The following ACACA variants were observed in gnomAD, a reference collection of about 807,000 sequenced individuals.
ACACA encodes acetyl-CoA carboxylase alpha, also known as acetyl-CoA carboxylase 1.
Under a neutral mutation model 296.1 loss-of-function variants are expected in ACACA, and 103 were observed. The ratio of observed to expected loss-of-function variants is 0.35; its 90% CI spans 0.30 to 0.41. ACACA has a LOEUF of 0.41. ACACA is among the 10% of genes least tolerant of loss of function. The probability of loss-of-function intolerance (pLI) is 1.00; values close to 1 mark genes in which losing one functional copy is unlikely to be tolerated. For missense variants in ACACA, 1,554 were observed against 2,989.7 expected, an observed-to-expected ratio of 0.52 and a Z score of 11.20; for synonymous variants, 953 against 1,038.6, an observed-to-expected ratio of 0.92 and a Z score of 1.58.
intron 1 of ACACA, among the ~76,000 whole-genome samples, chr17:37,376,529 G>A (rs117548328): frequency 3.9e-4 from 60 of 152,238 alleles, no homozygotes; most frequent in Admixed American, 7.2e-4. Context: ...ATAGCTAGAC[G>A]GTGATATTCT....
At chr17:37,367,270 T>C (rs1278149922) in intron 1 of ACACA, among the ~76,000 whole-genome samples, 1 of 149,066 alleles carries the variant, frequency 6.7e-6, no homozygotes, top group Non-Finnish European at 1.5e-5. Flanking sequence ...AAAAAATCCA[T>C]GAAAAGGAAA....
At chr17:37,141,451 G>A (rs2075575246) in intron 45 of ACACA, 2 of 291,788 alleles carry the variant, frequency 6.9e-6, no homozygotes, top group Non-Finnish European at 6.7e-6. Context: ...TTTGTAGAGG[G>A]GGTCTTGCTT....
chr17:37,209,192 A>G (rs890299069), intron 30 of ACACA, among the ~76,000 whole-genome samples: 8 of 152,210 alleles, frequency 5.3e-5, no homozygotes, highest in African/African-American at 1.9e-4. Context: ...ACACACATCA[A>G]GCAAGTCTTA....
chr17:37,284,736 G>C, intron 4 of ACACA, 102 bp downstream of exon 4: 1 of 1,520,722 alleles, frequency 6.6e-7, no homozygotes, highest in Non-Finnish European at 9.1e-7. Context: ...CAAAGCCTCT[G>C]AGAAACTAAA....
At chr17:37,380,587 A>T (rs829153) in intron 1 of ACACA, among the ~76,000 whole-genome samples, 2,765 of 151,952 alleles carry the variant, frequency 0.018, 79 homozygotes, top group African/African-American at 0.063. Context: ...ACAGTTTTTT[A>T]AAATTTCTTT....
At chr17:37,242,767 G>A (rs531914215) in intron 22 of ACACA, among the ~76,000 whole-genome samples, 3 of 151,896 alleles carry the variant, frequency 2.0e-5, no homozygotes, top group Non-Finnish European at 4.4e-5. Flanking sequence ...AGCTGGGCAC[G>A]GTGGCTCACG....
At chr17:37,269,763 GAA>G (rs71159698) in intron 10 of ACACA, among the ~76,000 whole-genome samples, 16 of 129,264 alleles carry the variant, frequency 1.2e-4, no homozygotes, top group African/African-American at 4.1e-4. Flanking sequence ...TGTTTTAAGG[GAA>G]AAAAAAAAAA....
At chr17:37,294,728 A>C (rs530609701) in intron 3 of ACACA, among the ~76,000 whole-genome samples, 1 of 152,336 alleles carries the variant, frequency 6.6e-6, no homozygotes, top group Non-Finnish European at 1.5e-5. Context: ...AATTCTAAGG[A>C]GGGCTTAATA....
chr17:37,378,806 A>G (rs1271633516), intron 1 of ACACA, among the ~76,000 whole-genome samples: 2 of 152,172 alleles, frequency 1.3e-5, no homozygotes, highest in African/African-American at 4.8e-5. Context: ...TCATGTCTGT[A>G]ATCCCAGCAC....
chr17:37,161,756 A>G (rs761134947), intron 42 of ACACA, 25 bp downstream of exon 42: 1 of 1,605,366 alleles, frequency 6.2e-7, no homozygotes, highest in Non-Finnish European at 8.5e-7. Flanking sequence ...AGCACCTTGA[A>G]GTAGTATATG....
At chr17:37,317,843 GA>G (rs2047166930) in intron 3 of ACACA, among the ~76,000 whole-genome samples, 1 of 152,160 alleles carries the variant, frequency 6.6e-6, no homozygotes, top group Non-Finnish European at 1.5e-5. Flanking sequence ...TATGGCCACA[GA>G]CAGCTCCTGT....
chr17:37,209,570 C>G (rs1376848134), intron 30 of ACACA, among the ~76,000 whole-genome samples: 1 of 152,194 alleles, frequency 6.6e-6, no homozygotes, highest in East Asian at 1.9e-4. Context: ...GGGAAGACTA[C>G]AAGACCAATT....
At chr17:37,124,545 T>C (rs1450354594) in intron 48 of ACACA, among the ~76,000 whole-genome samples, 2 of 152,330 alleles carry the variant, frequency 1.3e-5, no homozygotes, top group Admixed American at 1.3e-4. Context: ...AACAAGCTGA[T>C]ACAGGAGTCG....
rs573304944 is a variant in ACACA at position 37,122,799 on chromosome 17, T to C, written c.6042-172A>G. On this transcript the variant is annotated intron_variant, in intron 48 of 55. Transcript: ENST00000616317. ...TGTGAGACTCTACGGATTTGATATT[T>C]ACTCTCTAAATATGGTGGGAAACCA... 2.6e-5 allele frequency: 18 copies of C among 697,284 alleles called. No homozygotes were observed. In the Admixed American group the frequency reaches 3.7e-4, roughly 14 times the overall value. The allele number at this position is 697,284 out of a possible 1,614,324, so 43.2% of individuals were successfully genotyped here.
chr17:37,086,816 G>A lies in ACACA; in HGVS notation c.*500C>T. The A allele has an allele frequency of 4.7e-6, 1 of 212,218 alleles. No individual in the cohort carries two copies. Among genetic ancestry groups the A allele is most frequent in the Non-Finnish European group, 9.6e-6 (1 of 103,662 alleles). The allele number at this position is 212,218 out of a possible 1,614,324, so 13.1% of individuals were successfully genotyped here. On this transcript the variant is annotated 3_prime_UTR_variant, in exon 56 of 56. Transcript: ENST00000616317. ...CATTCCTCTCCAGTGCCTACTGTGT[G>A]CTGGGCTAAGAGTCGGGGTAATAAA...
intron 1 of ACACA, among the ~76,000 whole-genome samples, chr17:37,341,843 A>G (rs2048383645): frequency 1.3e-5 from 2 of 152,152 alleles, no homozygotes; most frequent in African/African-American, 4.8e-5. Flanking sequence ...GATGAAAGCT[A>G]TGGACCTTTT....
intron 1 of ACACA, 83 bp downstream of exon 1, chr17:37,406,179 T>C: frequency 6.7e-7 from 1 of 1,485,338 alleles, no homozygotes; most frequent in Non-Finnish European, 9.4e-7. Flanking sequence ...CTTTGTGCAA[T>C]GTCTGGCATG....
chr17:37,315,661 G>A (rs1162931457), intron 3 of ACACA, among the ~76,000 whole-genome samples: 1 of 152,142 alleles, frequency 6.6e-6, no homozygotes, highest in Non-Finnish European at 1.5e-5. Context: ...TACTATTACT[G>A]CTTTATAAAG....
chr17:37,275,524 GA>G (rs1413174888), intron 8 of ACACA, among the ~76,000 whole-genome samples: 1 of 141,198 alleles, frequency 7.1e-6, no homozygotes, highest in Non-Finnish European at 1.5e-5. Context: ...GAAAAAAAAA[GA>G]AAAAAAACAT....
Sources: allele counts gnomAD v4.1 joint callset (sites outside exome capture counted in the v4.1 genomes callset), GRCh38; gene constraint gnomAD v4.1.1; transcripts MANE v1.5; gene names NCBI Gene and HGNC (gene_info 2026-07-23, HGNC 2026-07-21).